Variants in ADAMTSL2 observed in about 807,000 individuals in gnomAD.
ADAMTSL2 encodes ADAMTS like 2, also known as ADAMTS-like protein 2.
ADAMTSL2 carries 55 observed loss-of-function variants against 117.0 expected under a neutral mutation model. The ratio of observed to expected loss-of-function variants is 0.47; its 90% CI spans 0.38 to 0.59. The LOEUF (loss-of-function observed/expected upper bound fraction) is 0.59. ADAMTSL2 is among the 20% of genes least tolerant of loss of function. The pLI, the probability that ADAMTSL2 is intolerant of heterozygous loss-of-function variation, is 0.00. For missense variants in ADAMTSL2, 1,182 were observed against 1,354.5 expected, an observed-to-expected ratio of 0.87 and a Z score of 2.00; for synonymous variants, 572 against 566.4, an observed-to-expected ratio of 1.01 and a Z score of -0.14.
At position 133,558,375 on chromosome 9, in the gene ADAMTSL2, G is replaced by C. The variant is rs1374182992; in HGVS notation, c.1649+2445G>C. Among the ~76,000 whole-genome samples, 1 of 152,202 alleles carries C rather than the reference G, an allele frequency of 6.6e-6. No individual in the cohort carries two copies. The highest frequency in any genetic ancestry group is 1.5e-5 in the Non-Finnish European group (1 of 68,040). On this transcript the variant is annotated intron_variant, in intron 11 of 18. Coordinates refer to ENST00000651351, the MANE Select transcript of ADAMTSL2 (RefSeq NM_014694.4). The surrounding 1 kb of genome is among the most constrained non-coding windows in gnomAD (Gnocchi z 4.3). ...AAACACAGGAAGTCGTGTCTGCTCA[G>C]AGAAGGCAAAATCAAAGGGGCAGCC...
chr9:133,574,184 G>A (rs2131192979), intron 18 of ADAMTSL2, among the ~76,000 whole-genome samples, 197 bp downstream of exon 18: 1 of 152,288 alleles, frequency 6.6e-6, no homozygotes, highest in Middle Eastern at 3.4e-3. Flanking sequence ...AGAGGGAAGG[G>A]GAATGGGGGA....
intron 12 of ADAMTSL2, among the ~76,000 whole-genome samples, chr9:133,564,723 T>TGA (rs900993789): frequency 4.5e-4 from 21 of 46,818 alleles, no homozygotes; most frequent in African/African-American, 1.5e-3. Flanking sequence ...AGAGAGAGGG[T>TGA]GAGAGAGAGA....
chr9:133,574,720 T>A, intron 18 of ADAMTSL2, 26 bp from the exon 19 acceptor site: 1 of 1,605,980 alleles, frequency 6.2e-7, no homozygotes, highest in Non-Finnish European at 8.5e-7. Flanking sequence ...GAAACTGCCC[T>A]GCTTCGCTCT....
chr9:133,564,261 G>A (rs1470463909), intron 12 of ADAMTSL2, among the ~76,000 whole-genome samples: 111 of 11,094 alleles, frequency 0.01, no homozygotes, highest in East Asian at 0.011. Flanking sequence ...AGAGAGAGAG[G>A]GAGAGAGAGA....
At position 133,540,893 on chromosome 9, in the gene ADAMTSL2, G is replaced by A. The variant is rs781293086; in HGVS notation, c.574G>A (p.Gly192Arg). The change falls in exon 7 of 19, where the codon GGG becomes AGG. Residue 192 changes from glycine (G) to arginine (R), a missense_variant. Gly to Arg is a moderately radical substitution (Grantham distance 125, BLOSUM62 -2). Transcript: ENST00000651351. The part of the protein sequence containing the change: ...SGKCEPIGCD[G>R]VLFSTHTLDK... ...CTTCCTGCAGCCCATCGGCTGTGAC[G>A]GGGTGCTTTTCTCCACCCACACACT... 20 of 1,613,298 alleles carry A rather than the reference G, an allele frequency of 1.2e-5. No individual in the cohort carries two copies. The highest frequency in any genetic ancestry group is 3.3e-5 in the Admixed American group (2 of 60,000).
At chr9:133,556,287 C>T (rs1830603498) in intron 11 of ADAMTSL2, among the ~76,000 whole-genome samples, 2 of 152,212 alleles carry the variant, frequency 1.3e-5, no homozygotes, top group South Asian at 4.1e-4. Flanking sequence ...TGCATGGAAA[C>T]ATGTCATCGT....
Position 133,538,363 on chromosome 9 carries a change from C to T in ADAMTSL2, c.248C>T (p.Pro83Leu), listed in dbSNP as rs749513478. The T allele has an allele frequency of 5.0e-5, 81 of 1,613,242 alleles. 1 individual carries two copies. Among genetic ancestry groups the T allele is most frequent in the Admixed American group, 3.3e-4 (20 of 60,010 alleles). ...CTTTCTGCCAGGAGGAAGTCCGTCCCGGGCCCCGGGAACAGGACCTGCACG... is the reference window on the plus strand; with the variant it reads ...CTTTCTGCCAGGAGGAAGTCCGTCCTGGGCCCCGGGAACAGGACCTGCACG... ...HCLQQRRKSV[P>L]GPGNRTCTGT... The change falls in exon 4 of 19, where the codon CCG (proline) becomes CTG (leucine). Residue 83 changes from proline to leucine, a missense_variant. Pro to Leu is a moderately conservative substitution (Grantham distance 98). This residue lies in a region of ADAMTSL2 where 372 missense variants were observed against 463.4 expected (regional missense o/e 0.80). Transcript: ENST00000651351.
At position 133,573,958 on chromosome 9, in the gene ADAMTSL2, A is replaced by G; in HGVS notation, c.2708A>G (p.Asp903Gly). 1 of 1,613,834 alleles carries G rather than the reference A, an allele frequency of 6.2e-7. No individual in the cohort carries two copies. Among genetic ancestry groups the G allele is most frequent in the Non-Finnish European group, 8.5e-7 (1 of 1,179,988 alleles). Residue 903 changes from aspartate (D) to glycine (G), a missense_variant, in exon 18 of 19, where the codon GAT becomes GGT. Transcript: ENST00000651351. Reference sequence around the variant, plus strand: ...AAGCCCGTTGGCAGACAGGCCTGTGATCTGCAGCCCTGCCCCACGGAGCCC... The same window carrying G: ...AAGCCCGTTGGCAGACAGGCCTGTGGTCTGCAGCCCTGCCCCACGGAGCCC... ...LVKPVGRQAC[D>G]LQPCPTEPPD...
At position 133,570,522 on chromosome 9, in the gene ADAMTSL2, G is replaced by T; in HGVS notation, c.2592+15G>T. The T allele has an allele frequency of 6.2e-7, 1 of 1,607,112 alleles. No individual in the cohort carries two copies. The highest frequency in any genetic ancestry group is 8.5e-7 in the Non-Finnish European group (1 of 1,177,500). On this transcript the variant is annotated intron_variant, in intron 17 of 18. Transcript: ENST00000651351. ...CCTGGTCAGAGGTGAGCTCCCAGCC[G>T]GCCCCTCTGAGGTTGCCTGAGGCCA...
chr9:133,538,673 G>A lies in ADAMTSL2; in HGVS notation c.309+249G>A, dbSNP rs140187063. On this transcript the variant is annotated intron_variant, in intron 4 of 18. Coordinates refer to ENST00000651351, the MANE Select transcript of ADAMTSL2 (RefSeq NM_014694.4). ...ATGCTGGGACGGGCGGACTCACTCT[G>A]CTCCTGGAACTTCAAGTGCAGCCTC... Among the ~76,000 whole-genome samples, 353 of 152,246 alleles carry A rather than the reference G, an allele frequency of 2.3e-3. 2 individuals carry two copies. Among genetic ancestry groups the A allele is most frequent in the African/African-American group, 8.1e-3 (337 of 41,542 alleles).
chr9:133,547,962 A>G (rs1026436789), intron 9 of ADAMTSL2, among the ~76,000 whole-genome samples: 4 of 152,242 alleles, frequency 2.6e-5, no homozygotes, highest in African/African-American at 9.6e-5. Context: ...AGCACCGAAA[A>G]TATGTAAAGG....
intron 12 of ADAMTSL2, among the ~76,000 whole-genome samples, chr9:133,563,670 C>G (rs1245293868): frequency 6.6e-6 from 1 of 151,902 alleles, no homozygotes; most frequent in Admixed American, 6.5e-5. Context: ...GTCTGTGCAG[C>G]GTGGCCCAAG....
At chr9:133,544,438 A>G (rs1830300729) in intron 7 of ADAMTSL2, 32 bp from the exon 8 acceptor site, 2 of 1,581,020 alleles carry the variant, frequency 1.3e-6, no homozygotes, top group African/African-American at 1.3e-5. Context: ...TTTCCAATCA[A>G]GAGGGGCTCA....
At chr9:133,562,378 G>T (rs371722041) in intron 12 of ADAMTSL2, among the ~76,000 whole-genome samples, 1 of 152,232 alleles carries the variant, frequency 6.6e-6, no homozygotes, top group Non-Finnish European at 1.5e-5. Context: ...TGCTGTGTTC[G>T]CCCCTGCGCC....
intron 1 of ADAMTSL2, 38 bp downstream of exon 1, chr9:133,534,955 G>A (rs2131083951): frequency 1.5e-6 from 2 of 1,368,122 alleles, no homozygotes; most frequent in Non-Finnish European, 9.5e-7. Flanking sequence ...ACGTTGCAGC[G>A]TCCACCAGGC....
In ADAMTSL2 at chr9:133,574,035, G is replaced by A. The variant is rs1354289269; in HGVS notation, c.2737+48G>A. ...GTGGCTCTGGGAATTCCCAGGGGAGGCGAGGACAGAGTCAGGGCCTGAGGG... is the reference window on the plus strand; with the variant it reads ...GTGGCTCTGGGAATTCCCAGGGGAGACGAGGACAGAGTCAGGGCCTGAGGG... On this transcript the variant is annotated intron_variant, in intron 18 of 18. Coordinates refer to ENST00000651351, the MANE Select transcript of ADAMTSL2 (RefSeq NM_014694.4). 8 of 1,580,188 alleles carry A rather than the reference G, an allele frequency of 5.1e-6. No individual in the cohort carries two copies. In the African/African-American group the frequency reaches 9.4e-5, roughly 19 times the overall value.
At position 133,568,991 on chromosome 9, in the gene ADAMTSL2, C is replaced by T. The variant is rs898792885; in HGVS notation, c.2244+233C>T. Among the ~76,000 whole-genome samples, 120 of 152,278 alleles carry T rather than the reference C, an allele frequency of 7.9e-4. 1 individual carries two copies. Among genetic ancestry groups the T allele is most frequent in the African/African-American group, 2.7e-3 (113 of 41,554 alleles). ...TCTCTGTATCTCTCTCTGCCTTTGT[C>T]TCCCTGTGTGTGTCTGTGTCTCTGT... is the stretch of plus-strand genomic sequence containing the variant. On this transcript the variant is annotated intron_variant, in intron 15 of 18. Coordinates refer to ENST00000651351, the MANE Select transcript of ADAMTSL2 (RefSeq NM_014694.4).
At chr9:133,546,900 T>C (rs1830361456) in intron 8 of ADAMTSL2, 138 bp from the exon 9 acceptor site, 5 of 890,420 alleles carry the variant, frequency 5.6e-6, no homozygotes, top group Non-Finnish European at 9.3e-6. Context: ...AGACTCTCCA[T>C]GATGGGAGTT....
chr9:133,569,693 A>G (rs1186052429), intron 16 of ADAMTSL2, 115 bp downstream of exon 16: 4 of 1,076,214 alleles, frequency 3.7e-6, no homozygotes, highest in Admixed American at 2.2e-5. Context: ...TTCATTGCAA[A>G]TTATGAAGGG....
Sources: gnomAD v4.1 joint callset for allele counts (sites outside exome capture counted in the v4.1 genomes callset) on GRCh38, gnomAD v4.1.1 for gene constraint, gnomAD v4.1.1 regional missense constraint, Gnocchi (gnomAD v3.1) non-coding constraint, MANE v1.5 for transcripts, NCBI Gene and HGNC (gene_info 2026-07-23, HGNC 2026-07-21) for gene names.